The following ZMYM2 variants were observed in gnomAD, a reference collection of about 807,000 sequenced individuals.
The protein encoded by ZMYM2 is zinc finger MYM-type containing 2.
ZMYM2 carries 56 observed loss-of-function variants against 162.8 expected under a neutral mutation model. The ratio of observed to expected loss-of-function variants is 0.34; its 90% CI spans 0.28 to 0.43. ZMYM2 has a LOEUF of 0.43. Ranked by LOEUF, ZMYM2 falls within the 20% of genes least tolerant of loss-of-function variation. The pLI is 1.00. For synonymous variants in ZMYM2, 510 were observed against 541.6 expected, an observed-to-expected ratio of 0.94 and a Z score of 0.81; for missense variants, 1,275 against 1,621.8, an observed-to-expected ratio of 0.79 and a Z score of 3.67.
At chr13:19,947,927 C>A in the ZMYM2 span, among the ~76,000 whole-genome samples, 1 of 150,744 alleles carries the variant, frequency 6.6e-6, no homozygotes, top group Admixed American at 6.6e-5. Flanking sequence ...TCACTCTATG[C>A]CATGTAATAA....
the ZMYM2 span, among the ~76,000 whole-genome samples, chr13:19,931,311 A>G: frequency 2.6e-5 from 4 of 152,076 alleles, no homozygotes; most frequent in African/African-American, 9.6e-5. Flanking sequence ...TTGAACATAC[A>G]ACTCATCCCT....
the ZMYM2 span, among the ~76,000 whole-genome samples, chr13:19,949,926 C>T: frequency 2.9e-4 from 4 of 13,814 alleles, no homozygotes; most frequent in Non-Finnish European, 5.5e-4. Flanking sequence ...AAGGAAGGAG[C>T]GAGAGAGAAA....
chr13:19,911,985 T>A, the ZMYM2 span, among the ~76,000 whole-genome samples: 1 of 152,250 alleles, frequency 6.6e-6, no homozygotes, highest in Non-Finnish European at 1.5e-5. Flanking sequence ...ATTTGGCCCC[T>A]GTGCCAGAAG....
At chr13:19,884,107 A>C in the ZMYM2 span, among the ~76,000 whole-genome samples, 3 of 152,212 alleles carry the variant, frequency 2.0e-5, no homozygotes, top group Non-Finnish European at 4.4e-5. Flanking sequence ...AAACTGGCAC[A>C]AGCCTGTAAT....
the ZMYM2 span, among the ~76,000 whole-genome samples, chr13:19,947,658 C>G: frequency 2.9e-5 from 2 of 68,692 alleles, no homozygotes; most frequent in Admixed American, 1.9e-4. Context: ...GGGGTTTCAC[C>G]ATGTTGGCTA....
intron 12 of ZMYM2, 53 bp downstream of exon 12, chr13:20,036,962 G>C: frequency 6.8e-7 from 1 of 1,478,316 alleles, no homozygotes; most frequent in Non-Finnish European, 9.0e-7. Context: ...AAAAAACGTT[G>C]TAGCTGTTAC....
chr13:19,988,729 G>T (rs1473580418), intron 2 of ZMYM2, among the ~76,000 whole-genome samples: 1 of 152,146 alleles, frequency 6.6e-6, no homozygotes, highest in African/African-American at 2.4e-5. Context: ...GTTGCGGTGA[G>T]CAAGATCGAT....
the ZMYM2 span, among the ~76,000 whole-genome samples, chr13:19,942,266 G>T: frequency 6.6e-6 from 1 of 151,570 alleles, no homozygotes; most frequent in Non-Finnish European, 1.5e-5. Context: ...AATATAGTAG[G>T]ATGATCACTA....
chr13:19,976,442 A>G (rs1956802689), intron 2 of ZMYM2, among the ~76,000 whole-genome samples: 1 of 151,792 alleles, frequency 6.6e-6, no homozygotes, highest in Non-Finnish European at 1.5e-5. Flanking sequence ...AAAATTTACT[A>G]TTTTTACGAC....
rs143112670 is a variant in ZMYM2 at position 20,069,841 on chromosome 13, GAA to G, written c.3453+2460_3453+2461del. On this transcript the variant is annotated intron_variant, in intron 21 of 24. Coordinates refer to ENST00000610343, the MANE Select transcript of ZMYM2 (RefSeq NM_197968.4). ...TATGAACAACAACAACAAAAACTCA[GAA>G]AAAAAAAAGTGATCAGAGTATTATT... Among the ~76,000 whole-genome samples, 37 of 146,420 alleles carry G rather than the reference GAA, an allele frequency of 2.5e-4. 1 individual carries two copies. In the East Asian group the frequency reaches 7.4e-3, roughly 29 times the overall value.
Position 19,993,076 on chromosome 13 carries a change from G to GAC in ZMYM2, c.8_9dup (p.Ser4GlnfsTer7). On this transcript the variant is annotated frameshift_variant, in exon 3 of 25. Transcript: ENST00000610343. LOFTEE classifies it high-confidence loss of function. Reference sequence around the variant, plus strand: ...TCTTCCTAACAGGTTCTTTGGCATGGACACAAGTTCAGTGGGAGGATTAGA... The same window carrying GAC: ...TCTTCCTAACAGGTTCTTTGGCATGGACACACAAGTTCAGTGGGAGGATTAGA... 1 of 1,593,326 alleles carries GAC rather than the reference G, an allele frequency of 6.3e-7. No homozygotes were observed. The highest frequency in any genetic ancestry group is 8.5e-7 in the Non-Finnish European group (1 of 1,171,424).
the ZMYM2 span, among the ~76,000 whole-genome samples, chr13:19,892,042 A>G: frequency 6.7e-6 from 1 of 150,090 alleles, no homozygotes; most frequent in South Asian, 2.1e-4. Context: ...CCCAGGCTCA[A>G]GCATCCTCCC....
At chr13:20,045,404 T>C (rs923871389) in intron 12 of ZMYM2, among the ~76,000 whole-genome samples, 6 of 152,182 alleles carry the variant, frequency 3.9e-5, no homozygotes, top group Non-Finnish European at 7.4e-5. Flanking sequence ...TACTGTTGCT[T>C]CTATATGATG....
At chr13:20,068,716 AATTT>A (rs1956864450) in intron 21 of ZMYM2, among the ~76,000 whole-genome samples, 1 of 152,242 alleles carries the variant, frequency 6.6e-6, no homozygotes, top group East Asian at 1.9e-4. Context: ...GTTTCAGAAC[AATTT>A]ATTTAAGGAG....
chr13:19,923,286 G>A, the ZMYM2 span, among the ~76,000 whole-genome samples: 4 of 146,210 alleles, frequency 2.7e-5, no homozygotes, highest in African/African-American at 1.0e-4. Context: ...GAACCCAGGA[G>A]GTGGAGGTTG....
chr13:20,036,236 A>G (rs1273935916), intron 11 of ZMYM2, among the ~76,000 whole-genome samples: 1 of 149,486 alleles, frequency 6.7e-6, no homozygotes, highest in Non-Finnish European at 1.5e-5. Context: ...CTAGATAACA[A>G]AAGTATTTTC....
chr13:19,964,381 T>TAA (rs11389376), intron 2 of ZMYM2, among the ~76,000 whole-genome samples: 1,851 of 146,960 alleles, frequency 0.013, 50 homozygotes, highest in African/African-American at 0.043. Flanking sequence ...GTCTCAAAAA[T>TAA]AAAAAAAAAA....
intron 12 of ZMYM2, among the ~76,000 whole-genome samples, chr13:20,050,077 C>G (rs1955178672): frequency 6.6e-6 from 1 of 151,872 alleles, no homozygotes; most frequent in Non-Finnish European, 1.5e-5. Flanking sequence ...GCTATTGTTA[C>G]TGAGATGATC....
the ZMYM2 span, among the ~76,000 whole-genome samples, chr13:19,885,889 A>ATGTATATACACATATATG: frequency 6.0e-5 from 2 of 33,278 alleles, no homozygotes; most frequent in Admixed American, 4.4e-4. Context: ...ACACATATAT[A>ATGTATATACACATATATG]TGTGTATACA....
Sources: gnomAD v4.1 joint callset for allele counts (sites outside exome capture counted in the v4.1 genomes callset) on GRCh38, gnomAD v4.1.1 for gene constraint, MANE v1.5 for transcripts, NCBI Gene and HGNC (gene_info 2026-07-23, HGNC 2026-07-21) for gene names.